The following SRPX variants were observed in gnomAD, a reference collection of about 807,000 sequenced individuals.
The protein encoded by SRPX is sushi repeat-containing protein SRPX.
In SRPX, 24 loss-of-function variants were observed where a neutral mutation model predicts 38.1. That is an observed-to-expected ratio of 0.63 (90% CI 0.46 to 0.89). The LOEUF (loss-of-function observed/expected upper bound fraction) is 0.89. Ranked by LOEUF, SRPX falls within the 40% of genes least tolerant of loss-of-function variation. The pLI is 0.00. For missense variants in SRPX, 416 were observed against 377.8 expected (o/e 1.10, Z -0.84); for synonymous variants, 184 against 153.8 (o/e 1.20, Z -1.45).
At chrX:38,182,074 A>G (rs1488587861) in intron 1 of SRPX, among the ~76,000 whole-genome samples, 2 of 112,590 alleles carry the variant, frequency 1.8e-5, no homozygotes, top group Non-Finnish European at 3.7e-5. Context: ...TGATATGTGT[A>G]CTATGCTAGG....
chrX:38,168,678 A>G (rs1938406903), intron 4 of SRPX, among the ~76,000 whole-genome samples: 1 of 112,174 alleles, frequency 8.9e-6, no homozygotes, highest in Non-Finnish European at 1.9e-5. Flanking sequence ...TGACTGCCAA[A>G]TGCAGAACAA....
At chrX:38,167,263 CT>C (rs2147774432) in intron 4 of SRPX, among the ~76,000 whole-genome samples, 1 of 111,792 alleles carries the variant, frequency 8.9e-6, no homozygotes, top group East Asian at 2.8e-4. Flanking sequence ...AAACCAAACC[CT>C]TTTGTGTATC....
chrX:38,168,540 G>A (rs1293345716), intron 4 of SRPX, among the ~76,000 whole-genome samples: 1 of 112,490 alleles, frequency 8.9e-6, no homozygotes, highest in Admixed American at 9.4e-5. Flanking sequence ...CAATAACATA[G>A]TTGTTTGGAG....
chrX:38,161,806 T>C (rs1938269285), intron 5 of SRPX, among the ~76,000 whole-genome samples: 1 of 111,887 alleles, frequency 8.9e-6, no homozygotes, highest in African/African-American at 3.3e-5. Context: ...AGTTTATCTT[T>C]TTTCTTGGCT....
At chrX:38,189,494 G>A (rs1204719055) in intron 1 of SRPX, among the ~76,000 whole-genome samples, 1 of 111,876 alleles carries the variant, frequency 8.9e-6, no homozygotes, top group African/African-American at 3.3e-5. Context: ...GTTTATGATT[G>A]TATTCTCAGC....
At position 38,161,039 on chromosome X, in the gene SRPX, G is replaced by A. The variant is rs752844185; in HGVS notation, c.669C>T (p.Gly223=). Residue 223 remains glycine, a synonymous_variant, in exon 6 of 10, where the codon GGC becomes GGT. Coordinates refer to ENST00000378533, the MANE Select transcript of SRPX (RefSeq NM_006307.5). The part of the protein sequence containing the change: ...DGILTDVILK[G]LPPGSNFPEG... ...CTGGAAAGTTGGAGCCTGGGGGGAGGCCTTTTAGAATGACACTTAGAGAAA... is the reference window on the plus strand; with the variant it reads ...CTGGAAAGTTGGAGCCTGGGGGGAGACCTTTTAGAATGACACTTAGAGAAA... The A allele has an allele frequency of 1.7e-6, 2 of 1,209,720 alleles. No individual in the cohort carries two copies. Among genetic ancestry groups the A allele is most frequent in the Non-Finnish European group, 2.2e-6 (2 of 894,831 alleles).
chrX:38,220,726 G>C lies in SRPX; in HGVS notation c.67C>G (p.Leu23Val). Residue 23 changes from leucine (L) to valine (V), a missense_variant, in exon 1 of 10, where the codon CTG (leucine) becomes GTG (valine). Coordinates refer to ENST00000378533, the MANE Select transcript of SRPX (RefSeq NM_006307.5). ...LLPPLLLLLL[L>V]RVPPSRSFPG... ...AAGCTGCGGCTGGGCGGGACGCGCA[G>C]CAGCAGCAGCAGCAGCAGAGGCGGC... is the stretch of plus-strand genomic sequence containing the variant. 1.1e-6 allele frequency: 1 copy of C among 881,606 alleles called. No homozygotes were observed. Among genetic ancestry groups the C allele is most frequent in the Non-Finnish European group, 1.6e-6 (1 of 643,367 alleles). 72.7% of individuals were successfully genotyped at this position (881,606 alleles called of 1,213,427 possible).
chrX:38,203,581 C>T (rs182270367), intron 1 of SRPX, among the ~76,000 whole-genome samples: 177 of 113,103 alleles, frequency 1.6e-3, no homozygotes, highest in Non-Finnish European at 2.4e-3. Flanking sequence ...GAGTTCAAGA[C>T]CAGCCTGGCC....
intron 1 of SRPX, among the ~76,000 whole-genome samples, chrX:38,215,610 G>A (rs1160496294): frequency 3.6e-5 from 4 of 112,178 alleles, no homozygotes; most frequent in African/African-American, 9.7e-5. Context: ...CTTGCAATCC[G>A]TTTTCTCAGG....
intron 1 of SRPX, among the ~76,000 whole-genome samples, chrX:38,186,220 G>T (rs777739062): frequency 9.0e-6 from 1 of 110,958 alleles, no homozygotes; most frequent in African/African-American, 3.3e-5. Flanking sequence ...TCATGAGGGC[G>T]CCCTGTGGAG....
At chrX:38,213,536 G>A (rs750546908) in intron 1 of SRPX, among the ~76,000 whole-genome samples, 3 of 111,856 alleles carry the variant, frequency 2.7e-5, no homozygotes, top group Non-Finnish European at 5.6e-5. Flanking sequence ...CTAGATATGA[G>A]ATGCTGAGAG....
At chrX:38,174,381 A>G in intron 2 of SRPX, 30 bp from the exon 3 acceptor site, 2 of 983,983 alleles carry the variant, frequency 2.0e-6, no homozygotes, top group South Asian at 4.4e-5. Context: ...AAGAGGAGAT[A>G]AATATGAAAT....
intron 2 of SRPX, among the ~76,000 whole-genome samples, chrX:38,176,384 C>A (rs1601856997): frequency 8.9e-6 from 1 of 112,303 alleles, no homozygotes; most frequent in East Asian, 2.8e-4. Context: ...ATTTAATTTT[C>A]TTTCTTATTT....
intron 1 of SRPX, among the ~76,000 whole-genome samples, chrX:38,213,713 C>T (rs1267152729): frequency 4.5e-5 from 5 of 111,835 alleles, no homozygotes; most frequent in Middle Eastern, 4.7e-3. Flanking sequence ...GCAGGTTGTA[C>T]AGGAAGTATA....
At chrX:38,173,618 T>A (rs184398395) in intron 3 of SRPX, among the ~76,000 whole-genome samples, 3 of 110,939 alleles carry the variant, frequency 2.7e-5, no homozygotes, top group African/African-American at 9.8e-5. Flanking sequence ...CCCAGCTAAT[T>A]TTTTGTATTT....
intron 1 of SRPX, among the ~76,000 whole-genome samples, chrX:38,199,357 G>C (rs983776011): frequency 1.8e-4 from 20 of 111,531 alleles, no homozygotes; most frequent in African/African-American, 6.5e-4. Context: ...AGTGAGCCGA[G>C]ATCGCGCCAC....
chrX:38,201,315 A>AAAGGGAGAAAGAAAGAAGG (rs1939107964), intron 1 of SRPX, among the ~76,000 whole-genome samples: 1 of 111,324 alleles, frequency 9.0e-6, no homozygotes, highest in Non-Finnish European at 1.9e-5. Flanking sequence ...AAGAAGAAAC[A>AAAGGGAGAAAGAAAGAAGG]AAGGGAGAAA....
At chrX:38,156,574 G>C (rs1938135693) in intron 8 of SRPX, among the ~76,000 whole-genome samples, 1 of 112,330 alleles carries the variant, frequency 8.9e-6, no homozygotes, top group Non-Finnish European at 1.9e-5. Context: ...CCAATTGATT[G>C]CTTCCAGCCA....
At chrX:38,161,380 T>C (rs1483907087) in intron 5 of SRPX, among the ~76,000 whole-genome samples, 4 of 108,701 alleles carry the variant, frequency 3.7e-5, no homozygotes, top group Non-Finnish European at 7.6e-5. Context: ...ATCTCACTCT[T>C]GTTCCAGGGG....
Sources: allele counts gnomAD v4.1 joint callset (sites outside exome capture counted in the v4.1 genomes callset), GRCh38; gene constraint gnomAD v4.1.1; transcripts MANE v1.5; gene names NCBI Gene and HGNC (gene_info 2026-07-23, HGNC 2026-07-21).